The following FGGY variants were observed in gnomAD, a reference collection of about 807,000 sequenced individuals.
FGGY encodes the protein FGGY carbohydrate kinase domain containing, also known as FGGY carbohydrate kinase domain-containing protein.
Under a neutral mutation model 71.3 loss-of-function variants are expected in FGGY, and 72 were observed. The observed-to-expected ratio is 1.01, with a 90% CI of 0.84 to 1.23. The LOEUF is 1.23. Among genes scored for constraint, FGGY ranks in the 50% most tolerant of loss-of-function variants. FGGY has a pLI of 0.00. For synonymous variants in FGGY, 251 were observed against 250.3 expected, an observed-to-expected ratio of 1.00 and a Z score of -0.02; for missense variants, 668 against 682.3, an observed-to-expected ratio of 0.98 and a Z score of 0.23.
rs1415145766 is a variant in FGGY at position 59,652,149 on chromosome 1, A to T, written c.1222-8070A>T. On this transcript the variant is annotated intron_variant, in intron 11 of 15. Coordinates refer to ENST00000303721, the MANE Select transcript of FGGY (RefSeq NM_018291.5). Reference sequence around the variant, plus strand: ...CGTTAGTCTGATGGGCTTCCCTTTGAGGGTAACCCAACCTTTCTCTCTGGC... The same window carrying T: ...CGTTAGTCTGATGGGCTTCCCTTTGTGGGTAACCCAACCTTTCTCTCTGGC... Among the ~76,000 whole-genome samples, 5 of 152,082 alleles carry T rather than the reference A, an allele frequency of 3.3e-5. No individual in the cohort carries two copies. The East Asian group carries it at 7.7e-4, about 24-fold the overall frequency.
At chr1:59,678,575 A>G (rs1393905538) in intron 14 of FGGY, among the ~76,000 whole-genome samples, 2 of 152,128 alleles carry the variant, frequency 1.3e-5, no homozygotes, top group African/African-American at 2.4e-5. Flanking sequence ...GTGAGAGAAA[A>G]CTCAATCAAA....
At position 59,554,217 on chromosome 1, in the gene FGGY, G is replaced by T; in HGVS notation, c.893G>T (p.Cys298Phe). Reference protein sequence around the residue: ...RLAVICGTSSCHMGISKDPIF... With the variant: ...RLAVICGTSSFHMGISKDPIF... ...GCTGTCATCTGTGGAACGTCTTCTT[G>T]TCACATGGGGGTGAGTCCACTGAGC... The change falls in exon 8 of 16, where the codon TGT (cysteine) becomes TTT (phenylalanine). Residue 298 changes from cysteine to phenylalanine, a missense_variant. Physicochemically the swap from Cys to Phe is radical, Grantham distance 205 (BLOSUM62 -2). Around this residue, in one of 2 missense-constraint regions of FGGY, gnomAD observed 661 missense variants for 661.6 expected, o/e 1.00. Transcript: ENST00000303721. The T allele has an allele frequency of 6.2e-7, 1 of 1,613,196 alleles. No individual in the cohort carries two copies. The highest frequency in any genetic ancestry group is 1.1e-5 in the South Asian group (1 of 91,010).
chr1:59,472,820 G>A (rs186683320), intron 6 of FGGY, among the ~76,000 whole-genome samples: 4 of 151,824 alleles, frequency 2.6e-5, no homozygotes, highest in East Asian at 3.9e-4. Flanking sequence ...TACACCAATC[G>A]GCTCTCTGTA....
chr1:59,514,121 C>G (rs1327767445), intron 7 of FGGY, among the ~76,000 whole-genome samples: 1 of 152,192 alleles, frequency 6.6e-6, no homozygotes, highest in Non-Finnish European at 1.5e-5. Context: ...ACAGAGAGAA[C>G]TTGAGGTCTA....
At chr1:59,453,476 T>C (rs1022268328) in intron 5 of FGGY, among the ~76,000 whole-genome samples, 4 of 152,188 alleles carry the variant, frequency 2.6e-5, no homozygotes, top group African/African-American at 4.8e-5. Context: ...TTTATTTGAC[T>C]CATGGACAGC....
intron 4 of FGGY, among the ~76,000 whole-genome samples, chr1:59,375,943 G>GGTT (rs1211876369): frequency 7.2e-6 from 1 of 139,860 alleles, no homozygotes; most frequent in Non-Finnish European, 1.5e-5. Context: ...TTGAAGCACT[G>GGTT]GTTGTTGCTG....
In FGGY at chr1:59,466,679, T is replaced by A. The variant is rs181740302; in HGVS notation, c.670+9603T>A. Among the ~76,000 whole-genome samples the A allele has an allele frequency of 3.4e-3, 511 of 152,056 alleles. 2 individuals carry two copies. Among genetic ancestry groups the A allele is most frequent in the Non-Finnish European group, 3.2e-3 (218 of 67,984 alleles). ...TACAAGAAAAAATAAAACAACCCCA[T>A]CAAAAAGTGGGCAACGGATATGAAC... On this transcript the variant is annotated intron_variant, in intron 6 of 15. Coordinates refer to ENST00000303721, the MANE Select transcript of FGGY (RefSeq NM_018291.5).
intron 8 of FGGY, among the ~76,000 whole-genome samples, chr1:59,564,726 T>G (rs2095847783): frequency 6.6e-6 from 1 of 152,318 alleles, no homozygotes; most frequent in African/African-American, 2.4e-5. Flanking sequence ...TTTTAGCAGT[T>G]TCATAAAACC....
chr1:59,679,784 T>C (rs540940302), intron 14 of FGGY, among the ~76,000 whole-genome samples: 1 of 152,234 alleles, frequency 6.6e-6, no homozygotes, highest in East Asian at 1.9e-4. Context: ...TAAACTTCTT[T>C]ATTTATCATT....
intron 9 of FGGY, among the ~76,000 whole-genome samples, chr1:59,609,032 C>G (rs559856342): frequency 6.6e-6 from 1 of 152,182 alleles, no homozygotes; most frequent in Admixed American, 6.5e-5. Flanking sequence ...GGTTAGGAAA[C>G]TCTTTACAGG....
chr1:59,614,333 A>T (rs9659974), intron 9 of FGGY, among the ~76,000 whole-genome samples: 4 of 152,148 alleles, frequency 2.6e-5, no homozygotes, highest in Admixed American at 1.3e-4. Context: ...GGGATGCAAG[A>T]CTGGTTCAAC....
At chr1:59,612,789 G>A (rs1281465618) in intron 9 of FGGY, among the ~76,000 whole-genome samples, 1 of 152,150 alleles carries the variant, frequency 6.6e-6, no homozygotes, top group Non-Finnish European at 1.5e-5. Flanking sequence ...TCAAAATAAA[G>A]GGATGGAGGA....
At chr1:59,664,789 C>G (rs1463688669) in intron 12 of FGGY, among the ~76,000 whole-genome samples, 2 of 152,186 alleles carry the variant, frequency 1.3e-5, no homozygotes, top group African/African-American at 2.4e-5. Flanking sequence ...ACAAGTTTTA[C>G]CTTTGCTGCC....
At chr1:59,547,873 A>G (rs1226747953) in intron 7 of FGGY, among the ~76,000 whole-genome samples, 4 of 152,222 alleles carry the variant, frequency 2.6e-5, no homozygotes, top group African/African-American at 4.8e-5. Context: ...CTTTACTAGT[A>G]TGTGACTTCT....
chr1:59,568,942 C>G (rs1439490304), intron 8 of FGGY, among the ~76,000 whole-genome samples: 1 of 151,684 alleles, frequency 6.6e-6, no homozygotes. Flanking sequence ...AACACCAAAT[C>G]ACAAGTTCAA....
intron 11 of FGGY, among the ~76,000 whole-genome samples, chr1:59,645,680 CT>C (rs1047564001): frequency 2.0e-5 from 3 of 152,170 alleles, no homozygotes; most frequent in Non-Finnish European, 2.9e-5. Context: ...TTGGCGTGGC[CT>C]TTGTTTTGTG....
At chr1:59,311,734 T>G (rs1244627748) in intron 1 of FGGY, among the ~76,000 whole-genome samples, 1 of 152,224 alleles carries the variant, frequency 6.6e-6, no homozygotes, top group Non-Finnish European at 1.5e-5. Context: ...GTAGAGTGAT[T>G]TATATTCCTT....
chr1:59,551,031 G>A (rs79130695), intron 7 of FGGY, among the ~76,000 whole-genome samples: 4,680 of 152,256 alleles, frequency 0.031, 246 homozygotes, highest in African/African-American at 0.11. Flanking sequence ...TATCTTTGAT[G>A]TTGATATGTT....
chr1:59,709,275 GAA>G, intron 14 of FGGY, among the ~76,000 whole-genome samples: 1 of 152,298 alleles, frequency 6.6e-6, no homozygotes, highest in South Asian at 2.1e-4. Context: ...AAGACAGCAG[GAA>G]AAAGAGTGAG....
Sources: allele counts gnomAD v4.1 joint callset (sites outside exome capture counted in the v4.1 genomes callset), GRCh38; gene constraint gnomAD v4.1.1; regional missense constraint gnomAD v4.1.1; transcripts MANE v1.5; gene names NCBI Gene and HGNC (gene_info 2026-07-23, HGNC 2026-07-21).